Variants in SH3BGRL observed in about 807,000 individuals in gnomAD.
SH3BGRL encodes SH3 domain binding glutamate rich protein like.
SH3BGRL carries 7 observed loss-of-function variants against 9.8 expected under a neutral mutation model. The observed-to-expected ratio is 0.72, with a 90% CI of 0.41 to 1.35. The LOEUF (loss-of-function observed/expected upper bound fraction) is 1.35, where lower values mean the gene tolerates loss of function less well. Ranked by LOEUF, SH3BGRL falls within the 40% of genes most tolerant of loss-of-function variation. The pLI, the probability that SH3BGRL is intolerant of heterozygous loss-of-function variation, is 0.01. For missense variants in SH3BGRL, 73 were observed against 84.4 expected, an observed-to-expected ratio of 0.86 and a Z score of 0.53; for synonymous variants, 36 against 29.1, an observed-to-expected ratio of 1.24 and a Z score of -0.76.
intron 1 of SH3BGRL, among the ~76,000 whole-genome samples, chrX:81,274,780 T>G (rs1460605862): frequency 9.0e-6 from 1 of 111,248 alleles, no homozygotes; most frequent in Non-Finnish European, 1.9e-5. Context: ...TGTGAAATTT[T>G]GGACTTGAAA....
intron 1 of SH3BGRL, among the ~76,000 whole-genome samples, chrX:81,271,999 C>T (rs1471798142): frequency 9.1e-6 from 1 of 109,543 alleles, no homozygotes; most frequent in Non-Finnish European, 1.9e-5. Context: ...TTGAGACCAT[C>T]CTGGCTAACA....
chrX:81,264,704 A>G (rs891011041), intron 1 of SH3BGRL, among the ~76,000 whole-genome samples: 2 of 110,644 alleles, frequency 1.8e-5, no homozygotes, highest in Non-Finnish European at 3.8e-5. Context: ...CTCTACTTCA[A>G]ATATGCTCAC....
chrX:81,275,404 A>G (rs1019021277), intron 1 of SH3BGRL, among the ~76,000 whole-genome samples: 22 of 111,581 alleles, frequency 2.0e-4, no homozygotes, highest in African/African-American at 7.2e-4. Context: ...CAGCCTTGAA[A>G]GTACAGTCTT....
chrX:81,202,250 G>A lies in SH3BGRL; in HGVS notation c.45+5G>A. 8.4e-7 allele frequency: 1 copy of A among 1,197,591 alleles called. No individual in the cohort carries two copies. ...TCTTCCTCTGGCTCTACAGCGGTAA[G>A]GAGAGTGGGGAGTCCACCTTTGTTG... On this transcript the variant is annotated splice_donor_5th_base_variant and intron_variant, in intron 1 of 3. Coordinates refer to ENST00000373212, the MANE Select transcript of SH3BGRL (RefSeq NM_003022.3).
At chrX:81,279,711 C>G (rs1168586011) in intron 3 of SH3BGRL, among the ~76,000 whole-genome samples, 3 of 111,071 alleles carry the variant, frequency 2.7e-5, no homozygotes, top group South Asian at 3.8e-4. Flanking sequence ...CAGCTCATTT[C>G]TGCCTGGCAC....
chrX:81,287,739 T>G (rs1017165725), intron 3 of SH3BGRL, among the ~76,000 whole-genome samples: 6 of 110,256 alleles, frequency 5.4e-5, no homozygotes, highest in Non-Finnish European at 1.1e-4. Flanking sequence ...CACCAGGGCA[T>G]GTGTATACCT....
chrX:81,203,470 T>A (rs1241235282), intron 1 of SH3BGRL, among the ~76,000 whole-genome samples: 1 of 111,586 alleles, frequency 9.0e-6, no homozygotes, highest in Non-Finnish European at 1.9e-5. Context: ...AAGTTTAGGT[T>A]AAAAAAAAGA....
intron 3 of SH3BGRL, among the ~76,000 whole-genome samples, chrX:81,282,187 A>G (rs1051362010): frequency 8.9e-5 from 10 of 111,979 alleles, no homozygotes; most frequent in Non-Finnish European, 1.7e-4. Flanking sequence ...TAAAACAATT[A>G]CTAATAGACC....
At chrX:81,254,998 T>TCCTGCCTCAGCCTCCCC (rs2075721349) in intron 1 of SH3BGRL, among the ~76,000 whole-genome samples, 3 of 109,000 alleles carry the variant, frequency 2.8e-5, no homozygotes, top group Non-Finnish European at 5.7e-5. Context: ...CAAGCGATTC[T>TCCTGCCTCAGCCTCCCC]CCTGCCTCAG....
chrX:81,294,644 T>G (rs1449514895), intron 3 of SH3BGRL, among the ~76,000 whole-genome samples: 3 of 110,477 alleles, frequency 2.7e-5, no homozygotes, highest in African/African-American at 9.9e-5. Context: ...CCACACAGAG[T>G]CCCTACCGGG....
intron 1 of SH3BGRL, among the ~76,000 whole-genome samples, chrX:81,273,755 A>G (rs747547195): frequency 1.8e-5 from 2 of 109,996 alleles, no homozygotes; most frequent in African/African-American, 6.6e-5. Flanking sequence ...GGTATTTGCA[A>G]CATTCACACT....
chrX:81,278,104 A>G (rs2075804108), intron 2 of SH3BGRL, among the ~76,000 whole-genome samples: 1 of 111,660 alleles, frequency 9.0e-6, no homozygotes, highest in African/African-American at 3.3e-5. Context: ...CGGGGATTAC[A>G]GGCATGTGCC....
At chrX:81,285,013 G>A (rs1239209177) in intron 3 of SH3BGRL, among the ~76,000 whole-genome samples, 3 of 111,115 alleles carry the variant, frequency 2.7e-5, no homozygotes, top group Non-Finnish European at 3.8e-5. Context: ...AAGAATAGGT[G>A]TGGTATTGAC....
chrX:81,294,796 G>A (rs1371720283), intron 3 of SH3BGRL, among the ~76,000 whole-genome samples: 1 of 112,186 alleles, frequency 8.9e-6, no homozygotes, highest in Non-Finnish European at 1.9e-5. Context: ...GAGGGAGGCT[G>A]TACCCTGCAG....
At chrX:81,229,360 G>T (rs1602601018) in intron 1 of SH3BGRL, among the ~76,000 whole-genome samples, 1 of 111,493 alleles carries the variant, frequency 9.0e-6, no homozygotes, top group East Asian at 2.8e-4. Flanking sequence ...ATCTGTAGGT[G>T]CCTTGTGTTA....
intron 1 of SH3BGRL, among the ~76,000 whole-genome samples, chrX:81,247,945 G>A (rs1018604849): frequency 1.0e-5 from 1 of 97,059 alleles, no homozygotes; most frequent in Admixed American, 1.1e-4. Flanking sequence ...TTTTTTGGTT[G>A]GAAGTTTTTT....
intron 1 of SH3BGRL, 111 bp downstream of exon 1, chrX:81,202,356 T>C: frequency 2.0e-6 from 2 of 992,069 alleles, no homozygotes; most frequent in Non-Finnish European, 2.6e-6. Flanking sequence ...TTTGGAAGAC[T>C]CATGCATCCC....
At chrX:81,270,602 C>T (rs1336337844) in intron 1 of SH3BGRL, among the ~76,000 whole-genome samples, 4 of 111,890 alleles carry the variant, frequency 3.6e-5, no homozygotes, top group South Asian at 3.7e-4. Flanking sequence ...CTGGAAGCTT[C>T]GTCCCACAGG....
At chrX:81,244,926 C>G (rs1372110201) in intron 1 of SH3BGRL, among the ~76,000 whole-genome samples, 1 of 111,649 alleles carries the variant, frequency 9.0e-6, no homozygotes, top group African/African-American at 3.3e-5. Flanking sequence ...GAAGAAAAAC[C>G]TAGAAGGTGT....
Sources: gnomAD v4.1 joint callset for allele counts (sites outside exome capture counted in the v4.1 genomes callset) on GRCh38, gnomAD v4.1.1 for gene constraint, MANE v1.5 for transcripts, NCBI Gene and HGNC (gene_info 2026-07-23, HGNC 2026-07-21) for gene names.